The following COL13A1 variants were observed in gnomAD, a reference collection of about 807,000 sequenced individuals.
COL13A1 encodes the protein collagen alpha-1(XIII) chain.
In COL13A1, 89 loss-of-function variants were observed where a neutral mutation model predicts 130.9. That is an observed-to-expected ratio of 0.68 (90% CI 0.57 to 0.81). COL13A1 has a LOEUF of 0.81. Ranked by LOEUF, COL13A1 falls within the 30% of genes least tolerant of loss-of-function variation. COL13A1 has a pLI of 0.00. For missense variants in COL13A1, 879 were observed against 934.6 expected, an observed-to-expected ratio of 0.94 and a Z score of 0.78; for synonymous variants, 402 against 341.6, an observed-to-expected ratio of 1.18 and a Z score of -1.95.
At chr10:69,937,461 C>A (rs1051668369) in intron 33 of COL13A1, among the ~76,000 whole-genome samples, 174 bp from the exon 34 acceptor site, 1 of 152,180 alleles carries the variant, frequency 6.6e-6, no homozygotes, top group African/African-American at 2.4e-5. Flanking sequence ...ACAGGGGCTA[C>A]TAACTGAGGC....
intron 39 of COL13A1, chr10:69,955,785 TA>T: frequency 6.6e-6 from 1 of 152,310 alleles, no homozygotes; most frequent in South Asian, 2.1e-4. Flanking sequence ...TAACATCCCA[TA>T]TCAATGTGTC....
At chr10:69,837,143 C>T (rs1850309040) in intron 2 of COL13A1, among the ~76,000 whole-genome samples, 1 of 152,200 alleles carries the variant, frequency 6.6e-6, no homozygotes, top group African/African-American at 2.4e-5. Flanking sequence ...TTCCTATAGG[C>T]TTAGAACCTG....
At chr10:69,955,482 C>T (rs567289634) in intron 39 of COL13A1, 21 of 152,922 alleles carry the variant, frequency 1.4e-4, no homozygotes, top group African/African-American at 4.6e-4. Flanking sequence ...GCCTTGGCCT[C>T]TCTGTTCCTC....
At chr10:69,949,265 C>T (rs981360495) in intron 38 of COL13A1, among the ~76,000 whole-genome samples, 1 of 152,200 alleles carries the variant, frequency 6.6e-6, no homozygotes, top group African/African-American at 2.4e-5. Flanking sequence ...TCATTGCAAA[C>T]TCCGCCTCCC....
intron 1 of COL13A1, among the ~76,000 whole-genome samples, chr10:69,810,598 G>T (rs1191419514): frequency 6.6e-6 from 1 of 152,214 alleles, no homozygotes; most frequent in African/African-American, 2.4e-5. Context: ...ACTGAGGTTT[G>T]CCCTCCAGGA....
chr10:69,922,587 T>G (rs2135630791), intron 22 of COL13A1, 121 bp from the exon 23 acceptor site: 1 of 572,272 alleles, frequency 1.7e-6, no homozygotes, highest in East Asian at 3.2e-5. Flanking sequence ...CAGATAAATC[T>G]GGGATTCTGA....
intron 2 of COL13A1, among the ~76,000 whole-genome samples, chr10:69,852,335 G>A (rs1339444630): frequency 6.6e-6 from 1 of 152,158 alleles, no homozygotes; most frequent in Admixed American, 6.5e-5. Context: ...GCCAATACTT[G>A]TATGGTGCTT....
intron 2 of COL13A1, among the ~76,000 whole-genome samples, chr10:69,865,457 C>T (rs568226631): frequency 9.2e-5 from 14 of 152,264 alleles, no homozygotes; most frequent in South Asian, 4.1e-4. Flanking sequence ...AGGGGCAGGA[C>T]GGGAGTTGGG....
At chr10:69,926,942 G>A in intron 26 of COL13A1, 145 bp from the exon 27 acceptor site, 2 of 1,024,834 alleles carry the variant, frequency 2.0e-6, no homozygotes, top group South Asian at 1.3e-5. Context: ...GAGTCTGGGG[G>A]CCATGGAGCC....
intron 40 of COL13A1, among the ~76,000 whole-genome samples, chr10:69,957,969 A>T (rs187093344): frequency 1.3e-5 from 2 of 152,268 alleles, no homozygotes; most frequent in South Asian, 2.1e-4. Context: ...TTACAATGAG[A>T]TGAACAAGCT....
At chr10:69,882,159 G>A (rs2060205971) in intron 7 of COL13A1, among the ~76,000 whole-genome samples, 1 of 152,194 alleles carries the variant, frequency 6.6e-6, no homozygotes, top group African/African-American at 2.4e-5. Context: ...CTAACATCGA[G>A]GACTGAGCCC....
At chr10:69,927,250 G>A in intron 27 of COL13A1, 140 bp downstream of exon 27, 1 of 1,366,564 alleles carries the variant, frequency 7.3e-7, no homozygotes, top group Non-Finnish European at 1.0e-6. Context: ...CAGGGCTGGG[G>A]CAGATGATGA....
chr10:69,947,387 C>T, intron 38 of COL13A1, 45 bp downstream of exon 38: 1 of 1,552,896 alleles, frequency 6.4e-7, no homozygotes, highest in Non-Finnish European at 8.8e-7. Context: ...CTAATGTCTT[C>T]ATGATGGGGT....
chr10:69,865,440 A>G (rs1189419287), intron 2 of COL13A1, among the ~76,000 whole-genome samples: 1 of 152,206 alleles, frequency 6.6e-6, no homozygotes, highest in Non-Finnish European at 1.5e-5. Flanking sequence ...GTTTGATGAA[A>G]ATTGGCAGGG....
At chr10:69,843,254 C>T (rs1564822391) in intron 2 of COL13A1, among the ~76,000 whole-genome samples, 3 of 152,110 alleles carry the variant, frequency 2.0e-5, no homozygotes, top group Admixed American at 1.3e-4. Flanking sequence ...TCCCCCTCAA[C>T]CCACGGCCTA....
intron 2 of COL13A1, among the ~76,000 whole-genome samples, chr10:69,841,880 G>A (rs74139209): frequency 0.013 from 1,973 of 152,290 alleles, 40 homozygotes; most frequent in African/African-American, 0.045. Flanking sequence ...TGGGCAGGGA[G>A]CTTCGGGACA....
intron 1 of COL13A1, among the ~76,000 whole-genome samples, chr10:69,816,230 G>C (rs752118466): frequency 3.7e-4 from 54 of 146,782 alleles, no homozygotes; most frequent in Non-Finnish European, 2.5e-4. Flanking sequence ...TCTCGGATGC[G>C]TCTGGCAGGT....
chr10:69,811,864 C>T (rs997029052), intron 1 of COL13A1, among the ~76,000 whole-genome samples: 1 of 152,050 alleles, frequency 6.6e-6, no homozygotes, highest in Admixed American at 6.5e-5. Flanking sequence ...AGGAAATCCA[C>T]CCCTCACCAG....
intron 15 of COL13A1, among the ~76,000 whole-genome samples, 158 bp from the exon 16 acceptor site, chr10:69,904,775 C>A (rs1161891641): frequency 6.6e-6 from 1 of 152,140 alleles, no homozygotes. Context: ...AGATCCCCTT[C>A]TAGGATCCAC....
Sources: allele counts gnomAD v4.1 joint callset (sites outside exome capture counted in the v4.1 genomes callset), GRCh38; gene constraint gnomAD v4.1.1; transcripts MANE v1.5; gene names NCBI Gene and HGNC (gene_info 2026-07-23, HGNC 2026-07-21).